VOPP1: variants seen among roughly 807,000 people sequenced by gnomAD.
VOPP1 encodes WW domain binding protein VOPP1.
A neutral mutation model predicts 23.5 loss-of-function variants in VOPP1; 8 were observed. The observed-to-expected ratio is 0.34, with a 90% CI of 0.20 to 0.61. The LOEUF (loss-of-function observed/expected upper bound fraction) is 0.61, where lower values mean the gene tolerates loss of function less well. Ranked by LOEUF, VOPP1 falls within the 20% of genes least tolerant of loss-of-function variation. The pLI is 0.78. For synonymous variants in VOPP1, 83 were observed against 97.3 expected (o/e 0.85, Z 0.86); for missense variants, 174 against 238.1 (o/e 0.73, Z 1.77).
At chr7:55,525,520 T>C (rs1361030948) in intron 1 of VOPP1, among the ~76,000 whole-genome samples, 1 of 151,406 alleles carries the variant, frequency 6.6e-6, no homozygotes, top group Non-Finnish European at 1.5e-5. Context: ...CAGACTCTCT[T>C]CCCTGCTTTA....
chr7:55,559,921 TG>T (rs1364940093), intron 1 of VOPP1, among the ~76,000 whole-genome samples: 1 of 152,162 alleles, frequency 6.6e-6, no homozygotes, highest in Non-Finnish European at 1.5e-5. Context: ...CACGAGGCCG[TG>T]GCAGGCGATC....
chr7:55,512,936 G>A (rs1179458801), intron 2 of VOPP1, among the ~76,000 whole-genome samples: 1 of 152,254 alleles, frequency 6.6e-6, no homozygotes, highest in Non-Finnish European at 1.5e-5. Flanking sequence ...TGGCCCAGCG[G>A]TGCTGGCTCT....
rs561959643 is a variant in VOPP1, at chr7:55,448,570, T to A, written n.418-12396A>T. Among the ~76,000 whole-genome samples, 208 of 152,274 alleles carry A rather than the reference T, an allele frequency of 1.4e-3. 1 individual carries two copies. Among genetic ancestry groups the A allele is most frequent in the African/African-American group, 4.8e-3 (200 of 41,568 alleles). ...CTGGCAGTTGGCAGGAGATCTCAGC[T>A]CCACGCAGTCAGCCAGGGACTCAGG... On this transcript the variant is annotated intron_variant and non_coding_transcript_variant, in intron 4 of 4. Coordinates refer to the VOPP1 transcript ENST00000462326.
At chr7:55,548,906 TC>T (rs1797479584) in intron 1 of VOPP1, among the ~76,000 whole-genome samples, 1 of 152,128 alleles carries the variant, frequency 6.6e-6, no homozygotes, top group Non-Finnish European at 1.5e-5. Context: ...CCCAACAAAA[TC>T]CACCCTGGGG....
At chr7:55,485,686 C>T (rs1184824567) in intron 4 of VOPP1, among the ~76,000 whole-genome samples, 3 of 152,192 alleles carry the variant, frequency 2.0e-5, no homozygotes, top group Non-Finnish European at 2.9e-5. Flanking sequence ...ACAGGGCGCC[C>T]GCACACGGGA....
intron 4 of VOPP1, among the ~76,000 whole-genome samples, chr7:55,483,000 T>C (rs6957545): frequency 0.33 from 50,873 of 152,068 alleles, 8,919 homozygotes; most frequent in Non-Finnish European, 0.39. Context: ...TCCTCAAGCA[T>C]CTGCCAGAAA....
chr7:55,472,824 C>A lies in VOPP1; in HGVS notation c.*31G>T. On this transcript the variant is annotated 3_prime_UTR_variant, in exon 5 of 5. Transcript: ENST00000285279. ...CAGAAAGGCCAGGGAAAGGCCCTCT[C>A]CTGTCTCTCCTCTTGCACGTGGGCA... 9.8e-7 allele frequency: 1 copy of A among 1,016,524 alleles called. No individual in the cohort carries two copies. The highest frequency in any genetic ancestry group is 1.3e-6 in the Non-Finnish European group (1 of 741,694). 63.0% of individuals were successfully genotyped at this position (1,016,524 alleles called of 1,614,324 possible). A position where few individuals can be genotyped will look rare whatever the true frequency, so the allele number is the denominator to read the frequency against.
Position 55,482,572 on chromosome 7 carries a change from C to A in VOPP1, c.329-9527G>T, listed in dbSNP as rs190891620. Among the ~76,000 whole-genome samples the A allele has an allele frequency of 6.9e-3, 1,052 of 151,438 alleles. 6 individuals are homozygous for A. Among genetic ancestry groups the A allele is most frequent in the Non-Finnish European group, 0.011 (754 of 67,924 alleles). ...GGTAGGGCGGTCTCGATCTCCTGAC[C>A]TCATGATCCGCCTGCCTCAGCCTCC... On this transcript the variant is annotated intron_variant, in intron 4 of 4. Transcript: ENST00000285279.
chr7:55,466,556 T>A (rs1158418475), downstream of VOPP1, among the ~76,000 whole-genome samples: 3 of 152,198 alleles, frequency 2.0e-5, no homozygotes, highest in Admixed American at 6.5e-5. Flanking sequence ...CCAGAGAAAT[T>A]TTCCAAGGTG....
At chr7:55,511,269 T>C (rs1219132490) in intron 2 of VOPP1, among the ~76,000 whole-genome samples, 1 of 152,264 alleles carries the variant, frequency 6.6e-6, no homozygotes, top group Non-Finnish European at 1.5e-5. Context: ...ATTATCATGA[T>C]GACCCTCAGG....
rs1251548275 is a variant in VOPP1 at position 55,505,668 on chromosome 7, AG to A, written c.114-7979del. 5.0e-4 allele frequency among the ~76,000 whole-genome samples: 2 copies of A among 4,012 alleles called. 1 individual carries two copies. The highest frequency in any genetic ancestry group is 0.026 in the East Asian group (2 of 76). The allele number at this position is 4,012 out of a possible 152,430, so 2.6% of individuals were successfully genotyped here. On this transcript the variant is annotated intron_variant, in intron 2 of 4. Coordinates refer to ENST00000285279, the MANE Select transcript of VOPP1 (RefSeq NM_030796.5). Reference sequence around the variant, plus strand: ...AAGGAAGGAAGGGAGGGAGGGAGGGAGGGAGGGAGGGAGGGAGGGAGGGAGG... The same window carrying A: ...AAGGAAGGAAGGGAGGGAGGGAGGGAGGAGGGAGGGAGGGAGGGAGGGAGG...
intron 4 of VOPP1, among the ~76,000 whole-genome samples, chr7:55,487,110 T>C (rs1316521670): frequency 6.6e-6 from 1 of 152,190 alleles, no homozygotes; most frequent in African/African-American, 2.4e-5. Flanking sequence ...AGCAGCCCTG[T>C]TTGTGCTTGG....
intron 1 of VOPP1, among the ~76,000 whole-genome samples, chr7:55,559,118 CTGATGGCTTCAATG>C: frequency 6.6e-6 from 1 of 152,150 alleles, no homozygotes; most frequent in South Asian, 2.1e-4. Context: ...GAGGGAGCCT[CTGATGGCTTCAATG>C]GGAGCCTGAG....
chr7:55,529,155 G>A (rs778208372), intron 1 of VOPP1, among the ~76,000 whole-genome samples: 2 of 152,102 alleles, frequency 1.3e-5, no homozygotes, highest in East Asian at 1.9e-4. Context: ...CAAGGCTGGC[G>A]GATCACAAGG....
At chr7:55,531,749 G>C (rs1796511470) in intron 1 of VOPP1, among the ~76,000 whole-genome samples, 1 of 152,236 alleles carries the variant, frequency 6.6e-6, no homozygotes, top group South Asian at 2.1e-4. Flanking sequence ...CTATGATTTG[G>C]GCACCCGGCT....
chr7:55,561,799 G>C, intron 1 of VOPP1: 2 of 559,868 alleles, frequency 3.6e-6, no homozygotes, highest in Non-Finnish European at 6.5e-6. Context: ...CTCAGAGCAC[G>C]TGGGAGTAGC....
chr7:55,540,376 G>A (rs936846439), intron 1 of VOPP1, among the ~76,000 whole-genome samples: 29 of 151,202 alleles, frequency 1.9e-4, no homozygotes, highest in East Asian at 3.9e-4. Flanking sequence ...CCAGCCTGGC[G>A]ACAGAGTGAG....
chr7:55,502,428 A>G (rs1276563062), intron 2 of VOPP1, among the ~76,000 whole-genome samples: 1 of 152,232 alleles, frequency 6.6e-6, no homozygotes, highest in Non-Finnish European at 1.5e-5. Context: ...TGCTCCTTCC[A>G]TGAGCTGAAG....
intron 4 of VOPP1, among the ~76,000 whole-genome samples, chr7:55,449,710 G>A (rs1791194908): frequency 6.6e-6 from 1 of 152,174 alleles, no homozygotes. Flanking sequence ...CACCGAGCCT[G>A]TCCTGGGAGA....
Sources: gnomAD v4.1 joint callset for allele counts (sites outside exome capture counted in the v4.1 genomes callset) on GRCh38, gnomAD v4.1.1 for gene constraint, MANE v1.5 for transcripts, NCBI Gene and HGNC (gene_info 2026-07-23, HGNC 2026-07-21) for gene names.